Variants in ZNF71 observed in about 807,000 individuals in gnomAD.
ZNF71 encodes the protein zinc finger protein 71.
Under a neutral mutation model 6.7 loss-of-function variants are expected in ZNF71, and 3 were observed. That is an observed-to-expected ratio of 0.45 (90% CI 0.20 to 1.16). The LOEUF is 1.16. Ranked by LOEUF, ZNF71 falls within the 50% of genes most tolerant of loss-of-function variation. The pLI is 0.25. For missense variants in ZNF71, 688 were observed against 728.6 expected (o/e 0.94, Z 0.64); for synonymous variants, 343 against 311.1 (o/e 1.10, Z -1.08).
intron 3 of ZNF71, among the ~76,000 whole-genome samples, chr19:56,620,778 T>C (rs2044838523): frequency 6.6e-6 from 1 of 152,164 alleles, no homozygotes; most frequent in Non-Finnish European, 1.5e-5. Context: ...AATCCTTGCC[T>C]CAGCCTCCCA....
chr19:56,607,481 G>A (rs60684545), intron 2 of ZNF71, among the ~76,000 whole-genome samples: 12,461 of 152,178 alleles, frequency 0.082, 1,635 homozygotes, highest in African/African-American at 0.28. Context: ...GGATTCTGTG[G>A]TGGCCCAGGC....
In ZNF71 at chr19:56,598,785, C is replaced by T. The variant is rs113385771; in HGVS notation, c.-52-2722C>T. Among the ~76,000 whole-genome samples the T allele has an allele frequency of 4.0e-5, 6 of 151,808 alleles. 1 individual carries two copies. The highest frequency in any genetic ancestry group is 1.5e-4 in the African/African-American group (6 of 41,282). On this transcript the variant is annotated intron_variant, in intron 1 of 3. Transcript: ENST00000599599. The surrounding 1 kb of genome is among the most constrained non-coding windows in gnomAD (Gnocchi z 4.2). ...GTTCCCGATTGAGTTCCAAAGGCTTCTGCCAACTTGGCCTTATATATATGC... is the reference window on the plus strand; with the variant it reads ...GTTCCCGATTGAGTTCCAAAGGCTTTTGCCAACTTGGCCTTATATATATGC...
chr19:56,616,295 C>T (rs1020695346), intron 3 of ZNF71, among the ~76,000 whole-genome samples: 1 of 152,164 alleles, frequency 6.6e-6, no homozygotes, highest in Non-Finnish European at 1.5e-5. Flanking sequence ...TTGAAAAGAC[C>T]ACTTTCTCCA....
chr19:56,605,593 A>T (rs1156769794), intron 2 of ZNF71, among the ~76,000 whole-genome samples: 1 of 152,202 alleles, frequency 6.6e-6, no homozygotes, highest in African/African-American at 2.4e-5. Context: ...ATATAACTGG[A>T]TCAGAAATTT....
intron 2 of ZNF71, among the ~76,000 whole-genome samples, chr19:56,606,874 A>G (rs1243578697): frequency 6.6e-6 from 1 of 152,064 alleles, no homozygotes; most frequent in East Asian, 1.9e-4. Flanking sequence ...GCCAGATTCT[A>G]TTGGTCAAGC....
chr19:56,600,871 GCTC>G (rs1432040330), intron 1 of ZNF71, among the ~76,000 whole-genome samples: 1 of 152,138 alleles, frequency 6.6e-6, no homozygotes, highest in Non-Finnish European at 1.5e-5. Context: ...GGCGAATCTG[GCTC>G]TGAGAGCCCC....
chr19:56,619,178 A>AACT, intron 3 of ZNF71, among the ~76,000 whole-genome samples: 1 of 152,272 alleles, frequency 6.6e-6, no homozygotes, highest in East Asian at 1.9e-4. Context: ...CATAAAATGT[A>AACT]CCATTTTAAC....
chr19:56,610,226 T>C (rs2044741483), intron 2 of ZNF71: 1 of 152,266 alleles, frequency 6.6e-6, no homozygotes, highest in South Asian at 2.1e-4. Flanking sequence ...CCAAAGCAGC[T>C]GAACCATTTT....
chr19:56,602,420 C>T (rs995797595), intron 2 of ZNF71, among the ~76,000 whole-genome samples: 6 of 152,100 alleles, frequency 3.9e-5, no homozygotes, highest in Non-Finnish European at 7.3e-5. Flanking sequence ...CATGTCTGAG[C>T]GGGTCTCTGA....
In ZNF71 at chr19:56,603,628, A is replaced by G. The variant is rs781110429; in HGVS notation, c.33+2037A>G. Among the ~76,000 whole-genome samples the G allele has an allele frequency of 8.5e-5, 13 of 152,214 alleles. No homozygotes were observed. Among genetic ancestry groups the G allele is most frequent in the Non-Finnish European group, 1.6e-4 (11 of 68,038 alleles). ...ATGGTTAACTCTGTTGAACCAGTAAAGGAACCACCAGACTGTTTTCCTAAG... is the reference window on the plus strand; with the variant it reads ...ATGGTTAACTCTGTTGAACCAGTAAGGGAACCACCAGACTGTTTTCCTAAG... On this transcript the variant is annotated intron_variant, in intron 2 of 3. Coordinates refer to ENST00000599599, the MANE Select transcript of ZNF71 (RefSeq NM_001370215.1). The surrounding 1 kb of genome is among the most constrained non-coding windows in gnomAD (Gnocchi z 4.6).
In ZNF71 at chr19:56,618,759, A is replaced by C. The variant is rs895635803; in HGVS notation, c.161-2509A>C. Among the ~76,000 whole-genome samples the C allele has an allele frequency of 1.4e-4, 1 of 6,976 alleles. No individual in the cohort carries two copies. The highest frequency in any genetic ancestry group is 2.2e-3 in the Admixed American group (1 of 448). 4.6% of individuals were successfully genotyped at this position (6,976 alleles called of 152,430 possible). ...GCATGGTGATGAGAAACTGGGAGGG[A>C]GGGTGGGCAGGGGACGACTCAGGCA... On this transcript the variant is annotated intron_variant, in intron 3 of 3. Coordinates refer to ENST00000599599, the MANE Select transcript of ZNF71 (RefSeq NM_001370215.1). The surrounding 1 kb of genome is among the most constrained non-coding windows in gnomAD (Gnocchi z 4.6).
At chr19:56,615,568 T>C (rs1568507566) in intron 3 of ZNF71, among the ~76,000 whole-genome samples, 1 of 151,934 alleles carries the variant, frequency 6.6e-6, no homozygotes, top group Admixed American at 6.6e-5. Flanking sequence ...GTTTTTTTTT[T>C]TTTTTCTGTT....
chr19:56,621,088 C>T (rs2075167), intron 3 of ZNF71, among the ~76,000 whole-genome samples, 180 bp from the exon 4 acceptor site: 1 of 152,042 alleles, frequency 6.6e-6, no homozygotes, highest in Non-Finnish European at 1.5e-5. Context: ...ACCACATTGG[C>T]CTCAGTTCCA....
At chr19:56,609,584 A>G (rs1382113595) in intron 2 of ZNF71, among the ~76,000 whole-genome samples, 2 of 151,898 alleles carry the variant, frequency 1.3e-5, no homozygotes, top group East Asian at 3.9e-4. Flanking sequence ...AATGAGGCAT[A>G]CGATACAGAT....
At chr19:56,619,187 AC>A (rs2148018949) in intron 3 of ZNF71, among the ~76,000 whole-genome samples, 1 of 152,296 alleles carries the variant, frequency 6.6e-6, no homozygotes, top group African/African-American at 2.4e-5. Flanking sequence ...TACCATTTTA[AC>A]CACTTATAGG....
intron 2 of ZNF71, among the ~76,000 whole-genome samples, chr19:56,604,823 T>C (rs954860950): frequency 1.3e-5 from 2 of 152,166 alleles, no homozygotes; most frequent in Admixed American, 1.3e-4. Flanking sequence ...TGGGATTCAG[T>C]TGGTGGTGGG....
chr19:56,617,515 T>G (rs149592223), intron 3 of ZNF71, among the ~76,000 whole-genome samples: 1 of 152,194 alleles, frequency 6.6e-6, no homozygotes, highest in African/African-American at 2.4e-5. Context: ...GATTTAGCAA[T>G]GTGAAAAAAG....
chr19:56,597,378 C>T (rs969793711), intron 1 of ZNF71, among the ~76,000 whole-genome samples: 1 of 152,146 alleles, frequency 6.6e-6, no homozygotes, highest in Non-Finnish European at 1.5e-5. Context: ...CCCAGGGAAA[C>T]AATTCAAAGG....
rs943463139 is a variant in ZNF71 at position 56,618,458 on chromosome 19, G to A, written c.161-2810G>A. Among the ~76,000 whole-genome samples, 4 of 152,176 alleles carry A rather than the reference G, an allele frequency of 2.6e-5. No homozygotes were observed. Among genetic ancestry groups the A allele is most frequent in the Non-Finnish European group, 5.9e-5 (4 of 68,042 alleles). On this transcript the variant is annotated intron_variant, in intron 3 of 3. Coordinates refer to ENST00000599599, the MANE Select transcript of ZNF71 (RefSeq NM_001370215.1). The surrounding 1 kb of genome is among the most constrained non-coding windows in gnomAD (Gnocchi z 4.6). ...GTGTGCAGGCTGTGTGAGGAGCTGG[G>A]GGGTGAGCAAGGCCCTTGCCTCTAG...
Sources: gnomAD v4.1 joint callset for allele counts (sites outside exome capture counted in the v4.1 genomes callset) on GRCh38, gnomAD v4.1.1 for gene constraint, Gnocchi (gnomAD v3.1) non-coding constraint, MANE v1.5 for transcripts, NCBI Gene and HGNC (gene_info 2026-07-23, HGNC 2026-07-21) for gene names.